Variants in SORCS2 observed in about 807,000 individuals in gnomAD.
SORCS2 encodes VPS10 domain-containing receptor SorCS2.
A neutral mutation model predicts 141.6 loss-of-function variants in SORCS2; 100 were observed. That is an observed-to-expected ratio of 0.71 (90% CI 0.60 to 0.83). The LOEUF is 0.83. Ranked by LOEUF, SORCS2 falls within the 40% of genes least tolerant of loss-of-function variation. The probability of loss-of-function intolerance (pLI) is 0.00; values close to 1 mark genes in which losing one functional copy is unlikely to be tolerated. For synonymous variants in SORCS2, 789 were observed against 676.9 expected (o/e 1.17, Z -2.57); for missense variants, 1,646 against 1,560.2 (o/e 1.05, Z -0.93).
chr4:7,329,129 A>C (rs1456593356), intron 1 of SORCS2, among the ~76,000 whole-genome samples: 2 of 152,184 alleles, frequency 1.3e-5, no homozygotes, highest in African/African-American at 2.4e-5. Flanking sequence ...GGCATTCTCC[A>C]AGTCCGGTGA....
intron 1 of SORCS2, among the ~76,000 whole-genome samples, chr4:7,342,481 A>G (rs1196375262): frequency 6.6e-6 from 1 of 151,916 alleles, no homozygotes; most frequent in African/African-American, 2.4e-5. Flanking sequence ...ATGCCCTCCT[A>G]CCTTTCTTCT....
chr4:7,336,167 C>T (rs1719974082), intron 1 of SORCS2, among the ~76,000 whole-genome samples: 2 of 152,226 alleles, frequency 1.3e-5, no homozygotes, highest in South Asian at 4.1e-4. Context: ...ATAGCTGAGG[C>T]CCCGCTGCCC....
intron 1 of SORCS2, among the ~76,000 whole-genome samples, chr4:7,253,219 TG>T (rs1425324866): frequency 6.6e-6 from 1 of 152,232 alleles, no homozygotes; most frequent in East Asian, 1.9e-4. Context: ...CAGACTCCCT[TG>T]TCCCCAGGAG....
chr4:7,240,653 C>G (rs1010755222), intron 1 of SORCS2, among the ~76,000 whole-genome samples: 1 of 152,182 alleles, frequency 6.6e-6, no homozygotes, highest in Non-Finnish European at 1.5e-5. Flanking sequence ...TGTTGAAGGG[C>G]TGTCTTTGAA....
intron 2 of SORCS2, among the ~76,000 whole-genome samples, chr4:7,399,850 T>G (rs1724459670): frequency 6.6e-6 from 1 of 152,058 alleles, no homozygotes; most frequent in Non-Finnish European, 1.5e-5. Flanking sequence ...TCAAGGTAGG[T>G]CCTCCCAGAG....
At chr4:7,524,044 CAG>C (rs1733508996) in intron 2 of SORCS2, among the ~76,000 whole-genome samples, 1 of 152,348 alleles carries the variant, frequency 6.6e-6, no homozygotes, top group Admixed American at 6.5e-5. Context: ...GGTGCTAATT[CAG>C]AGTCTTCCTC....
chr4:7,213,776 A>G (rs1333533639), intron 1 of SORCS2, among the ~76,000 whole-genome samples: 2 of 152,176 alleles, frequency 1.3e-5, no homozygotes, highest in African/African-American at 4.8e-5. Flanking sequence ...TCCCCTTTCC[A>G]GATGGAGACC....
intron 3 of SORCS2, among the ~76,000 whole-genome samples, chr4:7,592,818 T>C (rs1020131476): frequency 6.6e-6 from 1 of 152,198 alleles, no homozygotes; most frequent in Non-Finnish European, 1.5e-5. Context: ...TGAGATTTGT[T>C]GAATGATTGA....
chr4:7,724,483 ATGGTGGTGG>A (rs1553808414), intron 19 of SORCS2, among the ~76,000 whole-genome samples: 3 of 97,330 alleles, frequency 3.1e-5, no homozygotes, highest in East Asian at 3.7e-4. Flanking sequence ...GATGGTGGTG[ATGGTGGTGG>A]TGGTGACAAT....
intron 2 of SORCS2, among the ~76,000 whole-genome samples, chr4:7,511,633 G>C (rs780611796): frequency 6.6e-6 from 1 of 152,164 alleles, no homozygotes; most frequent in Non-Finnish European, 1.5e-5. Context: ...TGGCCTGGGC[G>C]TGGCCCCGTG....
intron 8 of SORCS2, among the ~76,000 whole-genome samples, chr4:7,671,878 A>C: frequency 6.6e-6 from 1 of 150,652 alleles, no homozygotes; most frequent in Non-Finnish European, 1.5e-5. Flanking sequence ...AACAAACTCT[A>C]AGAATGATAA....
chr4:7,544,279 C>T (rs565146870), intron 3 of SORCS2, among the ~76,000 whole-genome samples: 13 of 152,342 alleles, frequency 8.5e-5, no homozygotes, highest in African/African-American at 2.6e-4. Context: ...CTGCTGCTGA[C>T]ACCTGTGAGG....
At chr4:7,318,112 C>G (rs1029379864) in intron 1 of SORCS2, among the ~76,000 whole-genome samples, 2 of 152,184 alleles carry the variant, frequency 1.3e-5, no homozygotes, top group Non-Finnish European at 1.5e-5. Context: ...TATTGAGTAC[C>G]TACTATGTGC....
rs1222418308 is a variant in SORCS2, at chr4:7,641,957, A to G, written c.813+3465A>G. ...AGATGATGGATGGATGAATGGATGG[A>G]TGGTAGATGGATGGGTGGATGGTGG... On this transcript the variant is annotated intron_variant, in intron 4 of 26. Transcript: ENST00000507866. 2.1e-5 allele frequency among the ~76,000 whole-genome samples: 3 copies of G among 140,258 alleles called. No homozygotes were observed. In the East Asian group the frequency reaches 7.4e-4, roughly 34 times the overall value. 92.0% of individuals were successfully genotyped at this position (140,258 alleles called of 152,430 possible).
chr4:7,317,936 C>T (rs1225735646), intron 1 of SORCS2, among the ~76,000 whole-genome samples: 1 of 152,234 alleles, frequency 6.6e-6, no homozygotes. Context: ...GAAGTCCGAA[C>T]CCCTAGCACT....
chr4:7,443,470 G>T (rs1261809924), intron 2 of SORCS2, among the ~76,000 whole-genome samples: 3 of 152,208 alleles, frequency 2.0e-5, no homozygotes, highest in Admixed American at 6.5e-5. Flanking sequence ...GGCCTGAGAC[G>T]CAGGGAGTTT....
chr4:7,298,244 C>G (rs1287138492), intron 1 of SORCS2, among the ~76,000 whole-genome samples: 2 of 152,154 alleles, frequency 1.3e-5, no homozygotes, highest in African/African-American at 4.8e-5. Flanking sequence ...TTGGGGACAT[C>G]CGTTTGTACT....
chr4:7,214,060 G>T (rs576929554), intron 1 of SORCS2, among the ~76,000 whole-genome samples: 5 of 152,162 alleles, frequency 3.3e-5, no homozygotes, highest in Non-Finnish European at 7.3e-5. Context: ...AGGAATTGTG[G>T]GAGAGAAGGT....
chr4:7,418,712 C>CCCA (rs1553859481), intron 2 of SORCS2, among the ~76,000 whole-genome samples: 64 of 145,874 alleles, frequency 4.4e-4, no homozygotes, highest in Admixed American at 9.5e-4. Flanking sequence ...ACCCCCCCCC[C>CCCA]CACCAGATTT....
Sources: allele counts gnomAD v4.1 joint callset (sites outside exome capture counted in the v4.1 genomes callset), GRCh38; gene constraint gnomAD v4.1.1; transcripts MANE v1.5; gene names NCBI Gene and HGNC (gene_info 2026-07-23, HGNC 2026-07-21).